Variants in MECOM observed in about 807,000 individuals in gnomAD.
MECOM encodes MDS1 and EVI1 complex locus, also known as histone-lysine N-methyltransferase MECOM.
Under a neutral mutation model 116.3 loss-of-function variants are expected in MECOM, and 13 were observed. The observed-to-expected ratio is 0.11, with a 90% CI of 0.07 to 0.18. The LOEUF (loss-of-function observed/expected upper bound fraction) is 0.18. Ranked by LOEUF, MECOM falls within the 10% of genes least tolerant of loss-of-function variation. The pLI, the probability that MECOM is intolerant of heterozygous loss-of-function variation, is 1.00. For synonymous variants in MECOM, 528 were observed against 535.2 expected, an observed-to-expected ratio of 0.99 and a Z score of 0.19; for missense variants, 1,299 against 1,509.0, an observed-to-expected ratio of 0.86 and a Z score of 2.31.
At chr3:169,132,095 G>A (rs975545941) in intron 3 of MECOM, 10 of 403,186 alleles carry the variant, frequency 2.5e-5, no homozygotes, top group African/African-American at 1.5e-4. Flanking sequence ...AATCAGAAGG[G>A]TGCTCCCATA....
chr3:169,574,104 A>G (rs1221934572), intron 1 of MECOM, among the ~76,000 whole-genome samples: 5 of 152,210 alleles, frequency 3.3e-5, no homozygotes, highest in Non-Finnish European at 5.9e-5. Flanking sequence ...TAGGCCTCAG[A>G]GACAGCAAAT....
At chr3:169,416,270 T>C (rs189347850) in intron 1 of MECOM, among the ~76,000 whole-genome samples, 36 of 152,284 alleles carry the variant, frequency 2.4e-4, no homozygotes, top group Admixed American at 9.2e-4. Flanking sequence ...TGCTCCTGAA[T>C]GACTACTGGG....
At chr3:169,633,117 AT>A (rs376011295) in intron 1 of MECOM, among the ~76,000 whole-genome samples, 141 of 147,346 alleles carry the variant, frequency 9.6e-4, no homozygotes, top group Middle Eastern at 3.6e-3. Flanking sequence ...CTCCAAAGGC[AT>A]TTTTTTTTTT....
intron 5 of MECOM, among the ~76,000 whole-genome samples, chr3:169,124,886 T>C (rs950469514): frequency 1.4e-4 from 22 of 152,128 alleles, no homozygotes; most frequent in African/African-American, 5.1e-4. Flanking sequence ...ATGCTATAAA[T>C]ATCAGTACCA....
At chr3:169,394,873 C>T (rs1261377632) in intron 1 of MECOM, among the ~76,000 whole-genome samples, 2 of 152,104 alleles carry the variant, frequency 1.3e-5, no homozygotes, top group African/African-American at 4.8e-5. Flanking sequence ...GACACCATTT[C>T]AAAGAGTAGG....
intron 1 of MECOM, chr3:169,613,772 A>G (rs994566208): frequency 2.6e-5 from 4 of 152,180 alleles, no homozygotes; most frequent in South Asian, 2.1e-4. Context: ...CTCTAGCTCT[A>G]TTCATTCCAC....
intron 1 of MECOM, among the ~76,000 whole-genome samples, chr3:169,576,071 T>C (rs895303505): frequency 6.6e-6 from 1 of 152,264 alleles, no homozygotes; most frequent in South Asian, 2.1e-4. Context: ...GAGATGGAGT[T>C]TATGATTTGT....
Position 169,116,444 on chromosome 3 carries a change from A to G in MECOM, c.1428T>C (p.Pro476=). 6.2e-7 allele frequency: 1 copy of G among 1,614,214 alleles called. No individual in the cohort carries two copies. Among genetic ancestry groups the G allele is most frequent in the Non-Finnish European group, 8.5e-7 (1 of 1,180,052 alleles). ...GAGCTGTTGGAAAGGTAAGACCAGC[A>G]GGATGCCTATTGGCGCCAAAATAGT... ...LADYFGANRH[P]AGLTFPTAPG... The change falls in exon 8 of 17, where the codon CCT becomes CCC. Residue 476 remains proline, a synonymous_variant. Transcript: ENST00000651503.
At chr3:169,416,034 A>G (rs1738531745) in intron 1 of MECOM, among the ~76,000 whole-genome samples, 1 of 152,242 alleles carries the variant, frequency 6.6e-6, no homozygotes, top group South Asian at 2.1e-4. Context: ...CCTAATAGAC[A>G]TCTACAGAAC....
rs372907665 is a variant in MECOM, at chr3:169,478,192, T to G, written c.38-96668A>C. ...CTTTTCCTGGTGCTCTGGAAGGCTC[T>G]TGGATTTGGGGCATTTTTACATAAA... On this transcript the variant is annotated intron_variant, in intron 1 of 16. Transcript: ENST00000651503. Among the ~76,000 whole-genome samples, 8 of 152,338 alleles carry G rather than the reference T, an allele frequency of 5.3e-5. No individual in the cohort carries two copies. The East Asian group carries it at 1.3e-3, about 26-fold the overall frequency.
intron 2 of MECOM, among the ~76,000 whole-genome samples, chr3:169,338,833 C>T (rs547329481): frequency 3.3e-5 from 5 of 152,030 alleles, no homozygotes; most frequent in African/African-American, 9.6e-5. Flanking sequence ...TTTGTCTTTG[C>T]TGTTTATCGT....
chr3:169,149,935 CTG>C (rs58944452), intron 2 of MECOM, among the ~76,000 whole-genome samples: 12,891 of 130,998 alleles, frequency 0.098, 738 homozygotes, highest in Admixed American at 0.16. Flanking sequence ...TTCTCTCTCT[CTG>C]TGTGTGTGTG....
At chr3:169,493,576 C>T (rs1379933655) in intron 1 of MECOM, among the ~76,000 whole-genome samples, 4 of 150,600 alleles carry the variant, frequency 2.7e-5, no homozygotes, top group Non-Finnish European at 3.0e-5. Flanking sequence ...CATATGTATA[C>T]ATATATATAT....
intron 2 of MECOM, among the ~76,000 whole-genome samples, chr3:169,349,664 A>G (rs952927707): frequency 6.6e-6 from 1 of 151,972 alleles, no homozygotes; most frequent in Non-Finnish European, 1.5e-5. Flanking sequence ...TTTCCCGTCT[A>G]TGCTTTCTAG....
At chr3:169,475,575 G>T (rs1011929854) in intron 1 of MECOM, among the ~76,000 whole-genome samples, 1 of 151,314 alleles carries the variant, frequency 6.6e-6, no homozygotes, top group Non-Finnish European at 1.5e-5. Flanking sequence ...TGACTAAAAA[G>T]TCGAAGTTTT....
At chr3:169,488,464 T>A (rs1443038837) in intron 1 of MECOM, among the ~76,000 whole-genome samples, 1 of 151,790 alleles carries the variant, frequency 6.6e-6, no homozygotes, top group Non-Finnish European at 1.5e-5. Context: ...GAGAATCACT[T>A]GAACCTGAGA....
At chr3:169,541,476 G>A (rs1027610222) in intron 1 of MECOM, among the ~76,000 whole-genome samples, 2 of 152,230 alleles carry the variant, frequency 1.3e-5, no homozygotes, top group Non-Finnish European at 2.9e-5. Context: ...GACTGAAGCT[G>A]ATTCACTAGC....
At chr3:169,262,440 C>T (rs1757682420) in intron 2 of MECOM, among the ~76,000 whole-genome samples, 1 of 152,206 alleles carries the variant, frequency 6.6e-6, no homozygotes, top group South Asian at 2.1e-4. Context: ...AAAAAGTTGT[C>T]TCAAATTTTC....
intron 1 of MECOM, among the ~76,000 whole-genome samples, chr3:169,584,332 G>A (rs13100664): frequency 0.43 from 64,575 of 151,480 alleles, 14,677 homozygotes; most frequent in East Asian, 0.73. Context: ...TTGGGAGGCC[G>A]GGGCGGGCGG....
Sources: allele counts gnomAD v4.1 joint callset (sites outside exome capture counted in the v4.1 genomes callset), GRCh38; gene constraint gnomAD v4.1.1; transcripts MANE v1.5; gene names NCBI Gene and HGNC (gene_info 2026-07-23, HGNC 2026-07-21).